NKAIN2: variants seen among roughly 807,000 people sequenced by gnomAD.
NKAIN2 encodes the protein sodium/potassium-transporting ATPase subunit beta-1-interacting protein 2.
Under a neutral mutation model 32.6 loss-of-function variants are expected in NKAIN2, and 14 were observed. The ratio of observed to expected loss-of-function variants is 0.43; its 90% CI spans 0.28 to 0.67. The LOEUF (loss-of-function observed/expected upper bound fraction) is 0.67. NKAIN2 is among the 30% of genes least tolerant of loss of function. The probability of loss-of-function intolerance (pLI) is 0.17; values close to 1 mark genes in which losing one functional copy is unlikely to be tolerated. For missense variants in NKAIN2, 198 were observed against 258.3 expected (o/e 0.77, Z 1.60); for synonymous variants, 80 against 87.2 (o/e 0.92, Z 0.46).
rs558531503 is a variant in NKAIN2 at position 124,007,698 on chromosome 6, C to A, written c.54+203444C>A. On this transcript the variant is annotated intron_variant, in intron 1 of 6. Transcript: ENST00000368417. ...CACTAATGTTATTACATGCGGATCT[C>A]CCAAATCATTTTAACCAACGACTTA... is the stretch of plus-strand genomic sequence containing the variant. Among the ~76,000 whole-genome samples, 74 of 152,276 alleles carry A rather than the reference C, an allele frequency of 4.9e-4. 3 individuals carry two copies. In the South Asian group the frequency reaches 0.015, roughly 31 times the overall value.
intron 4 of NKAIN2, among the ~76,000 whole-genome samples, chr6:124,712,993 C>T (rs1775577076): frequency 6.6e-6 from 1 of 152,036 alleles, no homozygotes; most frequent in East Asian, 1.9e-4. Context: ...ATATTTATCT[C>T]TGCCTTGTAT....
chr6:124,193,491 A>G (rs1455368921), intron 1 of NKAIN2, among the ~76,000 whole-genome samples: 2 of 152,134 alleles, frequency 1.3e-5, no homozygotes, highest in Non-Finnish European at 2.9e-5. Flanking sequence ...AAACTTGGAG[A>G]CACCAGGAAC....
intron 4 of NKAIN2, among the ~76,000 whole-genome samples, chr6:124,762,098 C>T (rs1451407527): frequency 6.6e-6 from 1 of 152,072 alleles, no homozygotes; most frequent in Non-Finnish European, 1.5e-5. Context: ...AACAAAATAC[C>T]ACAAACTAGG....
At chr6:124,129,472 A>G (rs1786345851) in intron 1 of NKAIN2, among the ~76,000 whole-genome samples, 1 of 152,184 alleles carries the variant, frequency 6.6e-6, no homozygotes, top group African/African-American at 2.4e-5. Context: ...TCATTTTTTC[A>G]CAAAGGACAT....
intron 1 of NKAIN2, among the ~76,000 whole-genome samples, chr6:124,206,100 C>G (rs1191889225): frequency 6.6e-6 from 1 of 151,900 alleles, no homozygotes; most frequent in East Asian, 1.9e-4. Context: ...ATCAACAAGA[C>G]ATTCCCAAGT....
chr6:123,819,422 A>G (rs1174691882), intron 1 of NKAIN2, among the ~76,000 whole-genome samples: 1 of 152,226 alleles, frequency 6.6e-6, no homozygotes, highest in Non-Finnish European at 1.5e-5. Context: ...TTGAGAACTA[A>G]CAAAGTTGGC....
At position 124,523,696 on chromosome 6, in the gene NKAIN2, C is replaced by CT. The variant is rs1347717151; in HGVS notation, c.274-134488dup. Among the ~76,000 whole-genome samples the CT allele has an allele frequency of 3.9e-5, 6 of 152,238 alleles. No homozygotes were observed. The East Asian group carries it at 1.2e-3, about 29-fold the overall frequency. On this transcript the variant is annotated intron_variant, in intron 3 of 6. Transcript: ENST00000368417. ...GAGGGGAAACTATGCTCTGTCCTCT[C>CT]TTCATGAAGCCTGGCCAACTAACAA... is the stretch of plus-strand genomic sequence containing the variant.
intron 1 of NKAIN2, among the ~76,000 whole-genome samples, chr6:123,971,673 C>T (rs1245055560): frequency 6.6e-6 from 1 of 152,154 alleles, no homozygotes; most frequent in African/African-American, 2.4e-5. Flanking sequence ...GGATATACAA[C>T]ATTGGCTGGA....
chr6:123,951,964 C>T (rs1185981919), intron 1 of NKAIN2, among the ~76,000 whole-genome samples: 1 of 149,622 alleles, frequency 6.7e-6, no homozygotes, highest in East Asian at 2.0e-4. Flanking sequence ...ATTTTTTCTT[C>T]TTTGTTTGTG....
At position 124,478,559 on chromosome 6, in the gene NKAIN2, C is replaced by G. The variant is rs567300260; in HGVS notation, c.273+123212C>G. 4.0e-4 allele frequency among the ~76,000 whole-genome samples: 61 copies of G among 152,306 alleles called. No individual in the cohort carries two copies. The South Asian group carries it at 0.011, about 28-fold the overall frequency. On this transcript the variant is annotated intron_variant, in intron 3 of 6. Coordinates refer to ENST00000368417, the MANE Select transcript of NKAIN2 (RefSeq NM_001040214.3). ...ATGGGGGTATGTCAAAGGGACATTG[C>G]AGCCAAAAGAAAGGGCTCTAAATAA...
intron 4 of NKAIN2, among the ~76,000 whole-genome samples, chr6:124,687,775 CACACACAT>C (rs1414229572): frequency 4.8e-5 from 7 of 144,686 alleles, no homozygotes; most frequent in Non-Finnish European, 7.6e-5. Context: ...CACACACACA[CACACACAT>C]ACTGTTCTAT....
chr6:124,798,836 A>T (rs1244711817), intron 5 of NKAIN2, among the ~76,000 whole-genome samples: 1 of 152,132 alleles, frequency 6.6e-6, no homozygotes, highest in East Asian at 1.9e-4. Flanking sequence ...ACACTGATTC[A>T]CTCAGGATGG....
chr6:123,902,183 G>A (rs999359987), intron 1 of NKAIN2, among the ~76,000 whole-genome samples: 1 of 152,086 alleles, frequency 6.6e-6, no homozygotes, highest in Middle Eastern at 3.2e-3. Flanking sequence ...AGGGGAGGAA[G>A]TAAGGCATAT....
At chr6:124,139,568 A>G (rs1464914173) in intron 1 of NKAIN2, among the ~76,000 whole-genome samples, 2 of 152,182 alleles carry the variant, frequency 1.3e-5, no homozygotes, top group Non-Finnish European at 2.9e-5. Context: ...CAGTAGAAAA[A>G]GAGTTTCACT....
chr6:123,811,453 G>T (rs543183254), intron 1 of NKAIN2, among the ~76,000 whole-genome samples: 72 of 151,658 alleles, frequency 4.7e-4, no homozygotes, highest in African/African-American at 1.7e-3. Context: ...GAGAGAGAAA[G>T]AGAGAGAGAG....
intron 3 of NKAIN2, among the ~76,000 whole-genome samples, chr6:124,419,532 A>G (rs1444131642): frequency 6.6e-6 from 1 of 152,176 alleles, no homozygotes; most frequent in Non-Finnish European, 1.5e-5. Context: ...CTGAATTCCA[A>G]ATTTCACACC....
intron 3 of NKAIN2, among the ~76,000 whole-genome samples, chr6:124,464,199 A>C (rs962518623): frequency 6.6e-6 from 1 of 152,012 alleles, no homozygotes; most frequent in African/African-American, 2.4e-5. Context: ...CATTGGCCAG[A>C]GTGGTCTTGA....
chr6:124,008,866 G>T lies in NKAIN2; in HGVS notation c.54+204612G>T, dbSNP rs1780194227. 1.3e-5 allele frequency among the ~76,000 whole-genome samples: 2 copies of T among 152,134 alleles called. 1 individual carries two copies. Among genetic ancestry groups the T allele is most frequent in the South Asian group, 4.1e-4 (2 of 4,820 alleles). The stretch of plus-strand genomic sequence containing the variant: ...TAGCATAGTTTTTCCTTCTATAGAT[G>T]CTTTGAGGGCCTAAACCAATATGTG... On this transcript the variant is annotated intron_variant, in intron 1 of 6. Transcript: ENST00000368417.
chr6:124,282,488 G>A (rs1049299585), intron 1 of NKAIN2, among the ~76,000 whole-genome samples: 17 of 152,122 alleles, frequency 1.1e-4, no homozygotes, highest in African/African-American at 4.1e-4. Context: ...AATGACTTGC[G>A]TAGGCCACTG....
Sources: gnomAD v4.1 joint callset for allele counts (sites outside exome capture counted in the v4.1 genomes callset) on GRCh38, gnomAD v4.1.1 for gene constraint, MANE v1.5 for transcripts, NCBI Gene and HGNC (gene_info 2026-07-23, HGNC 2026-07-21) for gene names.